NUCB2: variants seen among roughly 807,000 people sequenced by gnomAD.
NUCB2 encodes the protein nucleobindin-2.
NUCB2 carries 48 observed loss-of-function variants against 57.9 expected under a neutral mutation model. The ratio of observed to expected loss-of-function variants is 0.83; its 90% CI spans 0.66 to 1.05. The LOEUF is 1.05. Among genes scored for constraint, NUCB2 ranks in the 50% least tolerant of loss-of-function variants. The probability of loss-of-function intolerance (pLI) is 0.00; values close to 1 mark genes in which losing one functional copy is unlikely to be tolerated. For synonymous variants in NUCB2, 139 were observed against 152.1 expected (o/e 0.91, Z 0.64); for missense variants, 442 against 476.2 (o/e 0.93, Z 0.67).
chr11:17,306,039 A>T (rs1427611246), intron 5 of NUCB2, among the ~76,000 whole-genome samples: 3 of 152,264 alleles, frequency 2.0e-5, no homozygotes, highest in Non-Finnish European at 4.4e-5. Context: ...TTAAAGATTT[A>T]AATGTAGAAA....
intron 11 of NUCB2, among the ~76,000 whole-genome samples, chr11:17,320,792 G>T (rs1183445917): frequency 6.6e-6 from 1 of 152,050 alleles, no homozygotes; most frequent in African/African-American, 2.4e-5. Flanking sequence ...TAAAATAAAA[G>T]TACTATTTAT....
chr11:17,346,188 C>CAGCATGGTATCTGG (rs978759930), intron 2 of NUCB2, among the ~76,000 whole-genome samples: 1 of 152,210 alleles, frequency 6.6e-6, no homozygotes, highest in African/African-American at 2.4e-5. Flanking sequence ...ACCCCTTCTC[C>CAGCATGGTATCTGG]AGCATGGCTA....
intron 11 of NUCB2, among the ~76,000 whole-genome samples, chr11:17,320,128 C>G (rs1183009865): frequency 6.6e-6 from 1 of 152,084 alleles, no homozygotes; most frequent in African/African-American, 2.4e-5. Flanking sequence ...ATTTCTTTAT[C>G]TACTCACTTA....
At chr11:17,317,087 A>G (rs933863593) in intron 11 of NUCB2, among the ~76,000 whole-genome samples, 1 of 152,214 alleles carries the variant, frequency 6.6e-6, no homozygotes, top group African/African-American at 2.4e-5. Flanking sequence ...AGACTAGAAG[A>G]TCAATAGATA....
At chr11:17,284,120 C>T (rs184003380) in intron 2 of NUCB2, among the ~76,000 whole-genome samples, 4 of 152,238 alleles carry the variant, frequency 2.6e-5, no homozygotes, top group African/African-American at 7.2e-5. Context: ...TATGTTCAAG[C>T]GATTCTCCTG....
Position 17,330,378 on chromosome 11 carries a change from A to G in NUCB2, c.1173+81A>G. On this transcript the variant is annotated intron_variant, in intron 12 of 13. Transcript: ENST00000529010. The surrounding 1 kb of genome is among the most constrained non-coding windows in gnomAD (Gnocchi z 4.3). ...AGCCTGTGTTTTTGTAACATATTTC[A>G]TTGTACTATATAGTACACTGCTATA... 4.0e-6 allele frequency: 4 copies of G among 1,010,614 alleles called. No homozygotes were observed. Among genetic ancestry groups the G allele is most frequent in the Non-Finnish European group, 5.9e-6 (4 of 679,612 alleles). The allele number at this position is 1,010,614 out of a possible 1,614,324, so 62.6% of individuals were successfully genotyped here.
chr11:17,302,245 C>A (rs75998435), intron 5 of NUCB2, among the ~76,000 whole-genome samples: 7,637 of 152,124 alleles, frequency 0.05, 278 homozygotes, highest in South Asian at 0.079. Flanking sequence ...TACGTGCCAT[C>A]TATGTTCTTC....
chr11:17,338,822 C>G (rs1027501471), intron 2 of NUCB2, among the ~76,000 whole-genome samples: 1 of 151,920 alleles, frequency 6.6e-6, no homozygotes, highest in African/African-American at 2.4e-5. Context: ...TGCCACCACA[C>G]CTGGCTAATT....
At chr11:17,303,036 C>A (rs1947021007) in intron 5 of NUCB2, among the ~76,000 whole-genome samples, 1 of 152,072 alleles carries the variant, frequency 6.6e-6, no homozygotes, top group African/African-American at 2.4e-5. Context: ...CCGCACCCGG[C>A]CTAGTTGTTT....
intron 11 of NUCB2, among the ~76,000 whole-genome samples, chr11:17,324,729 C>T (rs1210656346): frequency 6.6e-6 from 1 of 152,128 alleles, no homozygotes; most frequent in Non-Finnish European, 1.5e-5. Flanking sequence ...CCACCATGCT[C>T]AGCCAAATGT....
chr11:17,340,920 C>T (rs1952209427), intron 2 of NUCB2, among the ~76,000 whole-genome samples: 1 of 152,158 alleles, frequency 6.6e-6, no homozygotes, highest in Non-Finnish European at 1.5e-5. Flanking sequence ...GGCAGTATGG[C>T]CATTTTCACA....
chr11:17,324,984 A>C (rs1591544726), intron 11 of NUCB2, among the ~76,000 whole-genome samples: 1 of 151,816 alleles, frequency 6.6e-6, no homozygotes, highest in Non-Finnish European at 1.5e-5. Flanking sequence ...GTATCTTTTT[A>C]GTAGAGATGG....
chr11:17,340,212 C>G (rs1271111256), intron 2 of NUCB2, among the ~76,000 whole-genome samples: 1 of 151,674 alleles, frequency 6.6e-6, no homozygotes, highest in African/African-American at 2.4e-5. Context: ...TTTTTTCTTG[C>G]AAATTTGTTT....
chr11:17,291,086 C>T (rs1379664003), intron 2 of NUCB2, among the ~76,000 whole-genome samples: 1 of 152,098 alleles, frequency 6.6e-6, no homozygotes, highest in East Asian at 1.9e-4. Context: ...CCCCTCCCTC[C>T]ACCAGCAGCC....
intron 11 of NUCB2, among the ~76,000 whole-genome samples, chr11:17,319,258 A>G (rs1949700706): frequency 6.6e-6 from 1 of 152,144 alleles, no homozygotes; most frequent in Non-Finnish European, 1.5e-5. Flanking sequence ...AATCTTTACC[A>G]TCATTATTTC....
chr11:17,288,942 CACACACACATAT>C lies in NUCB2; in HGVS notation c.-1+6001_-1+6012del, dbSNP rs1159832559. Among the ~76,000 whole-genome samples the C allele has an allele frequency of 3.2e-3, 243 of 76,792 alleles. 21 individuals are homozygous for C. Among genetic ancestry groups the C allele is most frequent in the Middle Eastern group, 6.0e-3 (1 of 166 alleles). The allele number at this position is 76,792 out of a possible 152,430, so 50.4% of individuals were successfully genotyped here. A position where few individuals can be genotyped will look rare whatever the true frequency, so the allele number is the denominator to read the frequency against. On this transcript the variant is annotated intron_variant, in intron 2 of 13. Coordinates refer to ENST00000529010, the MANE Select transcript of NUCB2 (RefSeq NM_005013.4). ...ACACACACACACACACACACACACA[CACACACACATAT>C]ATATATATATTTTTTTTTTTTGAGA...
chr11:17,296,407 G>A (rs563738647), intron 4 of NUCB2, among the ~76,000 whole-genome samples, 196 bp downstream of exon 4: 18 of 152,034 alleles, frequency 1.2e-4, no homozygotes, highest in Non-Finnish European at 1.9e-4. Flanking sequence ...ACATTTGCAC[G>A]TGCCAGGCAC....
chr11:17,309,579 C>T lies in NUCB2; in HGVS notation c.387C>T (p.Gly129=). The T allele has an allele frequency of 1.3e-6, 2 of 1,576,284 alleles. No individual in the cohort carries two copies. The highest frequency in any genetic ancestry group is 8.6e-7 in the Non-Finnish European group (1 of 1,160,312). ...TTTCTTATTTTCTTTCAGATATAGG[C>T]ATGGACCACCAAGCTCTTCTAAAAC... is the stretch of plus-strand genomic sequence containing the variant. ...KAKLDSLQDI[G]MDHQALLKQF... Residue 129 remains glycine, a synonymous_variant, in exon 6 of 14, where the codon GGC becomes GGT. Transcript: ENST00000529010.
At chr11:17,289,294 A>C (rs11024239) in intron 2 of NUCB2, among the ~76,000 whole-genome samples, 2,847 of 152,044 alleles carry the variant, frequency 0.019, 92 homozygotes, top group African/African-American at 0.065. Flanking sequence ...TCTTCCAAGC[A>C]CCCTATATTA....
Sources: allele counts gnomAD v4.1 joint callset (sites outside exome capture counted in the v4.1 genomes callset), GRCh38; gene constraint gnomAD v4.1.1; non-coding constraint Gnocchi (gnomAD v3.1); transcripts MANE v1.5; gene names NCBI Gene and HGNC (gene_info 2026-07-23, HGNC 2026-07-21).